Variants in ENTREP2 observed in about 807,000 individuals in gnomAD.
ENTREP2 encodes the protein endosomal transmembrane epsin interactor 2.
the ENTREP2 span, among the ~76,000 whole-genome samples, chr15:29,535,761 G>A: frequency 4.6e-5 from 7 of 151,438 alleles, no homozygotes; most frequent in African/African-American, 1.5e-4. Context: ...TTTTGAGACA[G>A]AGTCTCACTC....
chr15:29,674,777 G>A, the ENTREP2 span, among the ~76,000 whole-genome samples: 1 of 150,078 alleles, frequency 6.7e-6, no homozygotes. Flanking sequence ...AGGGAGGAGG[G>A]GGCGCGGAGG....
chr15:29,402,158 G>C, the ENTREP2 span, among the ~76,000 whole-genome samples: 1 of 151,790 alleles, frequency 6.6e-6, no homozygotes, highest in Non-Finnish European at 1.5e-5. Context: ...ATGTATTTTG[G>C]AAACTGGAAA....
chr15:29,599,727 TTTACCCTG>T, the ENTREP2 span, among the ~76,000 whole-genome samples: 1 of 152,198 alleles, frequency 6.6e-6, no homozygotes, highest in Non-Finnish European at 1.5e-5. Flanking sequence ...GGGCAGGCCA[TTTACCCTG>T]CAAGATGATA....
chr15:29,199,894 G>C, the ENTREP2 span, among the ~76,000 whole-genome samples: 4 of 152,078 alleles, frequency 2.6e-5, no homozygotes, highest in African/African-American at 9.7e-5. Context: ...GTCACTTTTA[G>C]TGAAAGATAT....
At chr15:29,283,326 A>G in the ENTREP2 span, among the ~76,000 whole-genome samples, 1 of 152,156 alleles carries the variant, frequency 6.6e-6, no homozygotes, top group African/African-American at 2.4e-5. Flanking sequence ...AGGGAAAACA[A>G]TCCCACCCTA....
At chr15:29,167,448 A>C in the ENTREP2 span, among the ~76,000 whole-genome samples, 1 of 152,240 alleles carries the variant, frequency 6.6e-6, no homozygotes, top group Admixed American at 6.5e-5. Flanking sequence ...TCCAGAATCT[A>C]CAACAAACTG....
the ENTREP2 span, among the ~76,000 whole-genome samples, chr15:29,388,251 A>G: frequency 6.6e-6 from 1 of 152,230 alleles, no homozygotes. Flanking sequence ...AGAATCTACA[A>G]AGAACTCAAA....
chr15:29,542,136 C>T, the ENTREP2 span, among the ~76,000 whole-genome samples: 1 of 152,186 alleles, frequency 6.6e-6, no homozygotes, highest in African/African-American at 2.4e-5. Context: ...ATTCAGCCTC[C>T]AGAGTAGCTG....
the ENTREP2 span, among the ~76,000 whole-genome samples, chr15:29,408,068 T>C: frequency 1.3e-5 from 2 of 152,124 alleles, no homozygotes; most frequent in African/African-American, 2.4e-5. Flanking sequence ...ACGTTTAACA[T>C]GTAAGGACAG....
the ENTREP2 span, among the ~76,000 whole-genome samples, chr15:29,379,373 T>C: frequency 5.3e-5 from 8 of 151,850 alleles, no homozygotes; most frequent in African/African-American, 1.9e-4. Context: ...AGTCAGGAGG[T>C]TGCTCCAGCA....
chr15:29,278,688 A>G, the ENTREP2 span, among the ~76,000 whole-genome samples: 2 of 152,206 alleles, frequency 1.3e-5, no homozygotes, highest in Non-Finnish European at 2.9e-5. Flanking sequence ...GGAAAGGGAG[A>G]AGCACAGACC....
At chr15:29,391,503 T>A in the ENTREP2 span, among the ~76,000 whole-genome samples, 5 of 152,164 alleles carry the variant, frequency 3.3e-5, no homozygotes, top group Admixed American at 2.0e-4. Context: ...TGAAGTGTTT[T>A]AAAATATTCT....
At chr15:29,638,518 G>C in the ENTREP2 span, among the ~76,000 whole-genome samples, 1 of 152,180 alleles carries the variant, frequency 6.6e-6, no homozygotes, top group Non-Finnish European at 1.5e-5. Context: ...CAGTCACATT[G>C]TGCTCACTAA....
chr15:29,640,329 A>C, the ENTREP2 span, among the ~76,000 whole-genome samples: 41 of 152,272 alleles, frequency 2.7e-4, no homozygotes, highest in African/African-American at 9.1e-4. Flanking sequence ...AGAAGATATA[A>C]ATAGTCATAG....
the ENTREP2 span, among the ~76,000 whole-genome samples, chr15:29,645,926 G>T: frequency 6.6e-6 from 1 of 152,110 alleles, no homozygotes; most frequent in Admixed American, 6.6e-5. Context: ...TTGATTCTGG[G>T]TACTAGAATA....
the ENTREP2 span, among the ~76,000 whole-genome samples, chr15:29,304,955 A>C: frequency 2.6e-5 from 4 of 152,210 alleles, no homozygotes; most frequent in Admixed American, 1.3e-4. Flanking sequence ...CCTATTTACA[A>C]TGATAGTTTC....
the ENTREP2 span, among the ~76,000 whole-genome samples, chr15:29,308,838 T>C: frequency 6.6e-6 from 1 of 152,176 alleles, no homozygotes; most frequent in Non-Finnish European, 1.5e-5. Context: ...AAATAGGAGA[T>C]AAACATTGCC....
the ENTREP2 span, among the ~76,000 whole-genome samples, chr15:29,189,945 T>G: frequency 2.0e-5 from 3 of 152,230 alleles, no homozygotes; most frequent in African/African-American, 7.2e-5. Flanking sequence ...TGTCCATCAC[T>G]GTCAAAGGCT....
chr15:29,545,970 T>C, the ENTREP2 span, among the ~76,000 whole-genome samples: 2 of 152,222 alleles, frequency 1.3e-5, no homozygotes, highest in African/African-American at 4.8e-5. Flanking sequence ...TAATTCTATA[T>C]CACCACTAGA....
Sources: allele counts gnomAD v4.1 joint callset (sites outside exome capture counted in the v4.1 genomes callset), GRCh38; gene constraint gnomAD v4.1.1; transcripts MANE v1.5; gene names NCBI Gene and HGNC (gene_info 2026-07-23, HGNC 2026-07-21).